Variants in PDXDC1 observed in about 807,000 individuals in gnomAD.
PDXDC1 encodes pyridoxal dependent decarboxylase domain containing 1, also known as pyridoxal-dependent decarboxylase domain-containing protein 1.
Under a neutral mutation model 100.1 loss-of-function variants are expected in PDXDC1, and 42 were observed. The ratio of observed to expected loss-of-function variants is 0.42; its 90% confidence interval spans 0.33 to 0.54. PDXDC1 has a LOEUF of 0.54. Among genes scored for constraint, PDXDC1 ranks in the 20% least tolerant of loss-of-function variants. The probability of loss-of-function intolerance (pLI) is 0.10; values close to 1 mark genes in which losing one functional copy is unlikely to be tolerated. For synonymous variants in PDXDC1, 260 were observed against 371.7 expected (o/e 0.70, Z 3.46); for missense variants, 636 against 979.2 (o/e 0.65, Z 4.68).
chr16:15,053,720 G>A (rs1024846044), intron 16 of PDXDC1, among the ~76,000 whole-genome samples: 1 of 152,150 alleles, frequency 6.6e-6, no homozygotes, highest in Admixed American at 6.5e-5. Flanking sequence ...AGAACAGCCT[G>A]GCCAACATGG....
chr16:15,036,451 C>T lies in PDXDC1; in HGVS notation c.*176C>T. ...CTTTCTAGGAGGGGAGTCAGCTTGT[C>T]TAACTTCATGTACATGTAGAACCAC... On this transcript the variant is annotated 3_prime_UTR_variant, in exon 23 of 23. Coordinates refer to ENST00000396410, the MANE Select transcript of PDXDC1 (RefSeq NM_015027.4). The T allele has an allele frequency of 3.3e-6, 2 of 599,976 alleles. No individual in the cohort carries two copies. Among genetic ancestry groups the T allele is most frequent in the Non-Finnish European group, 5.7e-6 (2 of 347,868 alleles). The allele number at this position is 599,976 out of a possible 1,614,324, so 37.2% of individuals were successfully genotyped here.
rs1396397340 is a variant in PDXDC1 at position 15,038,064 on chromosome 16, G to C, written c.*1789G>C. ...CTGGAGAAGAGATCTTTTCCCACAAGCCATCTTCATTTTTTTTGTAGAGTA... is the reference window on the plus strand; with the variant it reads ...CTGGAGAAGAGATCTTTTCCCACAACCCATCTTCATTTTTTTTGTAGAGTA... On this transcript the variant is annotated 3_prime_UTR_variant, in exon 23 of 23. Coordinates refer to ENST00000396410, the MANE Select transcript of PDXDC1 (RefSeq NM_015027.4). 1 of 1,612,492 alleles carries C rather than the reference G, an allele frequency of 6.2e-7. No individual in the cohort carries two copies. Among genetic ancestry groups the C allele is most frequent in the Non-Finnish European group, 8.5e-7 (1 of 1,179,430 alleles).
chr16:15,037,848 A>ACAAATGCCTTTGCCAAAATAAGGTTTT lies in PDXDC1; in HGVS notation c.*1574_*1600dup. On this transcript the variant is annotated 3_prime_UTR_variant, in exon 23 of 23. Transcript: ENST00000396410. ...TTAGTAAACCAAAAAATAAGTCTCA[A>ACAAATGCCTTTGCCAAAATAAGGTTTT]CAAATGCCTTTGCCAAAATAAGGTT... 1.9e-6 allele frequency: 1 copy of ACAAATGCCTTTGCCAAAATAAGGTTTT among 521,528 alleles called. No homozygotes were observed. The highest frequency in any genetic ancestry group is 3.4e-6 in the Non-Finnish European group (1 of 297,800). 32.3% of individuals were successfully genotyped at this position (521,528 alleles called of 1,614,324 possible). A position where few individuals can be genotyped will look rare whatever the true frequency, so the allele number is the denominator to read the frequency against.
At chr16:14,987,913 GT>G (rs372304080) in intron 1 of PDXDC1, among the ~76,000 whole-genome samples, 4 of 148,160 alleles carry the variant, frequency 2.7e-5, no homozygotes, top group Non-Finnish European at 6.0e-5. Flanking sequence ...CGCCTGGCCT[GT>G]TTTTTTTTTC....
At chr16:15,133,638 G>A (rs1353998957) in intron 16 of PDXDC1, 34 of 1,357,618 alleles carry the variant, frequency 2.5e-5, no homozygotes, top group South Asian at 5.9e-5. Context: ...CAGTGGCCCT[G>A]GCGACAGCGC....
At chr16:14,986,084 G>T (rs1300502042) in intron 1 of PDXDC1, among the ~76,000 whole-genome samples, 1 of 152,254 alleles carries the variant, frequency 6.6e-6, no homozygotes, top group Non-Finnish European at 1.5e-5. Context: ...GGACAATAGA[G>T]CGAGGTCATG....
intron 16 of PDXDC1, chr16:15,127,368 G>A (rs370410342): frequency 0.12 from 96,791 of 826,110 alleles, 6,606 homozygotes; most frequent in Admixed American, 0.26. Context: ...TTTGGTGGAC[G>A]CCTTTCCCTC....
At chr16:15,010,377 G>A (rs1299507504) in intron 8 of PDXDC1, 1 of 155,676 alleles carries the variant, frequency 6.4e-6, no homozygotes, top group South Asian at 2.0e-4. Flanking sequence ...TTTAAGCCAG[G>A]TGTGGTGGCA....
intron 19 of PDXDC1, chr16:15,033,982 C>T: frequency 2.0e-6 from 1 of 493,200 alleles, no homozygotes; most frequent in Non-Finnish European, 3.6e-6. Flanking sequence ...GGACATGCGG[C>T]CGAGAAGCCA....
intron 16 of PDXDC1, among the ~76,000 whole-genome samples, chr16:15,058,627 T>C (rs1168820258): frequency 1.3e-5 from 2 of 152,052 alleles, no homozygotes; most frequent in African/African-American, 4.8e-5. Context: ...CTCAGGAGAC[T>C]GAGGTGGGCG....
intron 16 of PDXDC1, chr16:15,131,125 G>A: frequency 1.9e-6 from 3 of 1,603,850 alleles, no homozygotes; most frequent in Non-Finnish European, 2.6e-6. Flanking sequence ...ATGCAGCACG[G>A]CCGCAGGGTT....
intron 16 of PDXDC1, chr16:15,129,935 C>T (rs893130592): frequency 1.1e-5 from 15 of 1,351,190 alleles, no homozygotes; most frequent in Admixed American, 5.6e-5. Flanking sequence ...GAAGCGGCCC[C>T]GCTGCCCACA....
chr16:15,085,839 A>G (rs1312864136), intron 16 of PDXDC1: 1 of 1,286,108 alleles, frequency 7.8e-7, no homozygotes, highest in Non-Finnish European at 1.1e-6. Context: ...CCAATGATTA[A>G]TTAAACGCAC....
At chr16:15,010,131 C>G (rs1276279979) in intron 8 of PDXDC1, among the ~76,000 whole-genome samples, 2 of 152,286 alleles carry the variant, frequency 1.3e-5, no homozygotes, top group East Asian at 3.8e-4. Context: ...ACTGCAATCT[C>G]TGCCTCCCGG....
At position 15,032,956 on chromosome 16, in the gene PDXDC1, A is replaced by G; in HGVS notation, c.1667A>G (p.Glu556Gly). 6.3e-7 allele frequency: 1 copy of G among 1,597,236 alleles called. No individual in the cohort carries two copies. The highest frequency in any genetic ancestry group is 8.6e-7 in the Non-Finnish European group (1 of 1,164,450). ...AGLLKKLNELESDLTFKIGPE... is the reference protein window; with the variant it reads ...AGLLKKLNELGSDLTFKIGPE... ...CTCCTGAAGAAGTTAAATGAACTGG[A>G]ATCTGACCTAACCTTTAAAATAGGT... The change falls in exon 18 of 23, where the codon GAA becomes GGA. Residue 556 changes from glutamate (E) to glycine (G), a missense_variant. Transcript: ENST00000396410.
At chr16:15,034,615 T>C in intron 21 of PDXDC1, 62 bp downstream of exon 21, 1 of 1,222,496 alleles carries the variant, frequency 8.2e-7, no homozygotes, top group East Asian at 2.3e-5. Context: ...CAAATGCCCT[T>C]GGGTCCCAAC....
intron 1 of PDXDC1, among the ~76,000 whole-genome samples, chr16:14,984,234 T>C (rs1386149996): frequency 8.3e-5 from 12 of 144,810 alleles, no homozygotes; most frequent in Non-Finnish European, 1.5e-5. Flanking sequence ...AATGTCCCTA[T>C]GTCCCTTTGC....
rs1240916837 is a variant in PDXDC1 at position 15,104,163 on chromosome 16, C to A, written c.1400-34716C>A. On this transcript the variant is annotated intron_variant, in intron 16 of 16. Coordinates refer to the PDXDC1 transcript ENST00000535621. ...ACTCCAGCCTGGGTGACAGAGCAAA[C>A]TCCAGTCTCAAAAAAAAAAACAAAT... 13 of 639,160 alleles carry A rather than the reference C, an allele frequency of 2.0e-5. No homozygotes were observed. The South Asian group carries it at 2.9e-4, about 14-fold the overall frequency. The allele number at this position is 639,160 out of a possible 1,614,324, so 39.6% of individuals were successfully genotyped here.
At chr16:15,144,248 G>T (rs1410132971), downstream of PDXDC1, among the ~76,000 whole-genome samples, 1 of 152,196 alleles carries the variant, frequency 6.6e-6, no homozygotes, top group African/African-American at 2.4e-5. Flanking sequence ...CCCCTTCCTC[G>T]CTGGGCCAGC....
Sources: gnomAD v4.1 joint callset for allele counts (sites outside exome capture counted in the v4.1 genomes callset) on GRCh38, gnomAD v4.1.1 for gene constraint, MANE v1.5 for transcripts, NCBI Gene and HGNC (gene_info 2026-07-23, HGNC 2026-07-21) for gene names.